Variants in ALG14 observed in about 807,000 individuals in gnomAD.
ALG14 encodes ALG14 UDP-N-acetylglucosaminyltransferase subunit.
A neutral mutation model predicts 22.8 loss-of-function variants in ALG14; 17 were observed. The ratio of observed to expected loss-of-function variants is 0.75; its 90% CI spans 0.51 to 1.12. The LOEUF (loss-of-function observed/expected upper bound fraction) is 1.12. Ranked by LOEUF, ALG14 falls within the 50% of genes most tolerant of loss-of-function variation. The probability of loss-of-function intolerance (pLI) is 0.00; values close to 1 mark genes in which losing one functional copy is unlikely to be tolerated. For synonymous variants in ALG14, 89 were observed against 103.7 expected (o/e 0.86, Z 0.86); for missense variants, 288 against 271.8 (o/e 1.06, Z -0.42).
chr1:94,975,615 A>C lies in ALG14; in HGVS notation c.*7461T>G, dbSNP rs1243519967. The stretch of plus-strand genomic sequence containing the variant: ...TCTACATTCCTACCAGCAATGTAGG[A>C]GGGCTCCAATTTCTCCAAATCCTTG... On this transcript the variant is annotated 3_prime_UTR_variant, in exon 4 of 4. Transcript: ENST00000370205. 1 of 152,128 alleles carries C rather than the reference A, an allele frequency of 6.6e-6. No homozygotes were observed. Among genetic ancestry groups the C allele is most frequent in the Non-Finnish European group, 1.5e-5 (1 of 68,028 alleles). The allele number at this position is 152,128 out of a possible 1,614,324, so 9.4% of individuals were successfully genotyped here.
At chr1:95,036,360 A>G in intron 2 of ALG14, among the ~76,000 whole-genome samples, 1 of 150,190 alleles carries the variant, frequency 6.7e-6, no homozygotes, top group East Asian at 1.9e-4. Context: ...GCCTTCCACC[A>G]TGATTCCAAG....
intron 2 of ALG14, among the ~76,000 whole-genome samples, chr1:95,056,300 A>C (rs1375184088): frequency 6.6e-6 from 1 of 152,208 alleles, no homozygotes; most frequent in Non-Finnish European, 1.5e-5. Context: ...GATCTCTTTC[A>C]AACATTATAC....
chr1:95,031,328 C>A (rs1673993783), intron 2 of ALG14, among the ~76,000 whole-genome samples: 1 of 152,122 alleles, frequency 6.6e-6, no homozygotes, highest in Admixed American at 6.6e-5. Context: ...GCATCAAAGT[C>A]AGGGATGAAA....
Position 95,064,876 on chromosome 1 carries a change from G to A in ALG14, c.278C>T (p.Pro93Leu), listed in dbSNP as rs1179915144. Reference sequence around the variant, plus strand: ...GAAATTGTCACTTACCATGTTACTAGGGTCTCTATCAGCTCGATCTAGTTC... The same window carrying A: ...GAAATTGTCACTTACCATGTTACTAAGGTCTCTATCAGCTCGATCTAGTTC... Reference protein sequence around the residue: ...SFELDRADRDPSNMYTKYYIH... With the variant: ...SFELDRADRDLSNMYTKYYIH... Residue 93 changes from proline to leucine, a missense_variant, in exon 2 of 4, where the codon CCT becomes CTT. Pro to Leu is a moderately conservative substitution (Grantham distance 98). Coordinates refer to ENST00000370205, the MANE Select transcript of ALG14 (RefSeq NM_144988.4). 7 of 1,610,980 alleles carry A rather than the reference G, an allele frequency of 4.3e-6. No homozygotes were observed. The highest frequency in any genetic ancestry group is 5.9e-6 in the Non-Finnish European group (7 of 1,178,650).
At chr1:95,036,966 C>A (rs1674221018) in intron 2 of ALG14, among the ~76,000 whole-genome samples, 1 of 152,152 alleles carries the variant, frequency 6.6e-6, no homozygotes, top group Admixed American at 6.5e-5. Context: ...AGAAATGAGG[C>A]TGCACTCCAG....
chr1:95,040,112 T>C (rs990735093), intron 2 of ALG14, among the ~76,000 whole-genome samples: 1 of 151,688 alleles, frequency 6.6e-6, no homozygotes, highest in Non-Finnish European at 1.5e-5. Flanking sequence ...GAAGAGGTTG[T>C]AGTGAGCCAA....
At chr1:95,045,673 T>C in intron 2 of ALG14, among the ~76,000 whole-genome samples, 1 of 139,986 alleles carries the variant, frequency 7.1e-6, no homozygotes, top group East Asian at 1.9e-4. Flanking sequence ...GGTATACTAA[T>C]AGAATTAGCA....
intron 3 of ALG14, among the ~76,000 whole-genome samples, chr1:95,014,234 T>C (rs1673443431): frequency 6.6e-6 from 1 of 152,224 alleles, no homozygotes; most frequent in African/African-American, 2.4e-5. Context: ...CTATTTGTTC[T>C]GGGCGCTTTG....
At chr1:95,043,558 C>G (rs891730589) in intron 2 of ALG14, among the ~76,000 whole-genome samples, 2 of 152,206 alleles carry the variant, frequency 1.3e-5, no homozygotes, top group Non-Finnish European at 2.9e-5. Context: ...CTACTGAGAA[C>G]TAGTGCAGGT....
chr1:95,031,644 AT>A (rs2100779564), intron 2 of ALG14, among the ~76,000 whole-genome samples: 1 of 152,238 alleles, frequency 6.6e-6, no homozygotes, highest in Admixed American at 6.5e-5. Flanking sequence ...TTTCTAAAAT[AT>A]CCCCATCCTC....
intron 2 of ALG14, among the ~76,000 whole-genome samples, chr1:95,038,655 TG>T (rs1403050173): frequency 2.6e-4 from 36 of 136,164 alleles, no homozygotes; most frequent in South Asian, 7.2e-4. Flanking sequence ...CACTCCAGCC[TG>T]GGCAACAAGA....
At position 95,062,958 on chromosome 1, in the gene ALG14, T is replaced by C. The variant is rs919798049; in HGVS notation, c.288+1908A>G. 3.3e-5 allele frequency among the ~76,000 whole-genome samples: 5 copies of C among 152,276 alleles called. No individual in the cohort carries two copies. In the East Asian group the frequency reaches 7.7e-4, roughly 24 times the overall value. ...CTTTTTCTCCACAACCTCACCAACA[T>C]CTGTTGTTTCTGGACTTTTTAATAA... On this transcript the variant is annotated intron_variant, in intron 2 of 3. Coordinates refer to ENST00000370205, the MANE Select transcript of ALG14 (RefSeq NM_144988.4).
chr1:95,015,404 T>C (rs983812674), intron 3 of ALG14, among the ~76,000 whole-genome samples: 8 of 151,994 alleles, frequency 5.3e-5, no homozygotes, highest in Non-Finnish European at 1.2e-4. Context: ...ACAATCTAAT[T>C]TGGGGAGGGA....
intron 2 of ALG14, among the ~76,000 whole-genome samples, chr1:95,046,882 G>C (rs1458923552): frequency 6.6e-6 from 1 of 152,122 alleles, no homozygotes; most frequent in Non-Finnish European, 1.5e-5. Flanking sequence ...TGGATAGCTT[G>C]AGCCCAGAAG....
At chr1:95,001,096 G>T (rs746492558) in intron 3 of ALG14, among the ~76,000 whole-genome samples, 2 of 152,124 alleles carry the variant, frequency 1.3e-5, no homozygotes. Context: ...TTAAGGTTAG[G>T]GGGTAATACT....
intron 2 of ALG14, among the ~76,000 whole-genome samples, chr1:95,045,095 T>C (rs569806411): frequency 3.0e-4 from 46 of 152,310 alleles, no homozygotes; most frequent in Non-Finnish European, 6.0e-4. Flanking sequence ...TCTTTCTTCA[T>C]TATTTTTCTA....
chr1:94,989,190 T>G lies in ALG14; in HGVS notation c.421-5884A>C, dbSNP rs1352084533. Among the ~76,000 whole-genome samples the G allele has an allele frequency of 3.3e-5, 5 of 152,190 alleles. 1 individual carries two copies. In the East Asian group the frequency reaches 9.6e-4, roughly 29 times the overall value. On this transcript the variant is annotated intron_variant, in intron 3 of 3. Transcript: ENST00000370205. Reference sequence around the variant, plus strand: ...AATCATATTGTTATGAACATCTTTGTGTATAAATCTGTGATCCCTAAAGTT... The same window carrying G: ...AATCATATTGTTATGAACATCTTTGGGTATAAATCTGTGATCCCTAAAGTT...
chr1:95,015,519 G>T (rs561308873), intron 3 of ALG14, among the ~76,000 whole-genome samples: 1 of 152,220 alleles, frequency 6.6e-6, no homozygotes, highest in African/African-American at 2.4e-5. Flanking sequence ...AAAGGTGCAA[G>T]ACAAAAAGCC....
At chr1:95,046,091 T>C (rs1177763255) in intron 2 of ALG14, among the ~76,000 whole-genome samples, 2 of 151,850 alleles carry the variant, frequency 1.3e-5, no homozygotes, top group Middle Eastern at 3.2e-3. Flanking sequence ...TTGAAAAATA[T>C]GAATAGAGGG....
Sources: gnomAD v4.1 joint callset for allele counts (sites outside exome capture counted in the v4.1 genomes callset) on GRCh38, gnomAD v4.1.1 for gene constraint, MANE v1.5 for transcripts, NCBI Gene and HGNC (gene_info 2026-07-23, HGNC 2026-07-21) for gene names.